PALM2AKAP2: variants seen among roughly 807,000 people sequenced by gnomAD.
The protein encoded by PALM2AKAP2 is PALM2 and AKAP2 fusion.
A neutral mutation model predicts 71.5 loss-of-function variants in PALM2AKAP2; 37 were observed. The ratio of observed to expected loss-of-function variants is 0.52; its 90% CI spans 0.40 to 0.68. The LOEUF (loss-of-function observed/expected upper bound fraction) is 0.68. Ranked by LOEUF, PALM2AKAP2 falls within the 30% of genes least tolerant of loss-of-function variation. The probability of loss-of-function intolerance (pLI) is 0.00; values close to 1 mark genes in which losing one functional copy is unlikely to be tolerated. For synonymous variants in PALM2AKAP2, 468 were observed against 478.8 expected, an observed-to-expected ratio of 0.98 and a Z score of 0.29; for missense variants, 1,224 against 1,191.8, an observed-to-expected ratio of 1.03 and a Z score of -0.40.
intron 1 of PALM2AKAP2, among the ~76,000 whole-genome samples, chr9:109,826,847 C>T (rs80011833): frequency 0.015 from 2,238 of 152,222 alleles, 61 homozygotes; most frequent in African/African-American, 0.051. Context: ...CTTTTGTAAA[C>T]GGACATAATT....
At chr9:109,654,489 T>G (rs1217703846) in intron 1 of PALM2AKAP2, among the ~76,000 whole-genome samples, 1 of 152,164 alleles carries the variant, frequency 6.6e-6, no homozygotes, top group African/African-American at 2.4e-5. Flanking sequence ...AGTTATGGAT[T>G]CTTGATTGCT....
At chr9:110,057,401 G>C (rs112324108) in intron 1 of PALM2AKAP2, among the ~76,000 whole-genome samples, 1 of 69,724 alleles carries the variant, frequency 1.4e-5, no homozygotes. Flanking sequence ...TTTTTTTTTT[G>C]CAACAGAGAC....
chr9:110,105,674 C>T (rs1215810419), intron 1 of PALM2AKAP2, among the ~76,000 whole-genome samples: 1 of 152,146 alleles, frequency 6.6e-6, no homozygotes, highest in Non-Finnish European at 1.5e-5. Context: ...AATGAGATGC[C>T]TAAGTACCAC....
chr9:109,700,435 G>A (rs552764116), intron 1 of PALM2AKAP2, among the ~76,000 whole-genome samples: 1 of 152,304 alleles, frequency 6.6e-6, no homozygotes, highest in African/African-American at 2.4e-5. Context: ...GGAACTGTGA[G>A]TCCGTTAAAC....
intron 1 of PALM2AKAP2, among the ~76,000 whole-genome samples, chr9:110,058,881 T>C (rs576171319): frequency 1.7e-4 from 25 of 150,914 alleles, no homozygotes; most frequent in Non-Finnish European, 2.4e-4. Flanking sequence ...TATTGTATAC[T>C]GATGGAAAGT....
chr9:109,903,359 T>C (rs370647021), intron 3 of PALM2AKAP2, among the ~76,000 whole-genome samples: 17 of 151,938 alleles, frequency 1.1e-4, no homozygotes, highest in African/African-American at 3.9e-4. Flanking sequence ...TCATAATTGA[T>C]CTTTGGGGAC....
Position 110,071,226 on chromosome 9 carries a change from C to T in PALM2AKAP2, c.156+22371C>T, listed in dbSNP as rs182595044. On this transcript the variant is annotated intron_variant, in intron 1 of 3. Coordinates refer to ENST00000374525, the Ensembl canonical transcript of PALM2AKAP2. ...TTGCCACTTTTATAGGTCAAATGGT[C>T]GAATATTAGAAATTTCATGTAGTTG... 3.2e-3 allele frequency among the ~76,000 whole-genome samples: 468 copies of T among 148,562 alleles called. 1 individual carries two copies. The highest frequency in any genetic ancestry group is 5.5e-3 in the Non-Finnish European group (373 of 67,538).
intron 1 of PALM2AKAP2, among the ~76,000 whole-genome samples, chr9:110,120,257 T>C (rs1213223990): frequency 6.6e-6 from 1 of 152,204 alleles, no homozygotes; most frequent in Non-Finnish European, 1.5e-5. Context: ...GATGGTGCCA[T>C]TGCTCCTGCA....
chr9:110,142,097 A>G (rs1476896153), intron 2 of PALM2AKAP2, among the ~76,000 whole-genome samples: 3 of 127,414 alleles, frequency 2.4e-5, no homozygotes, highest in East Asian at 2.2e-4. Context: ...TTTGAGGCAG[A>G]GTCTTGCTCT....
intron 1 of PALM2AKAP2, among the ~76,000 whole-genome samples, chr9:109,711,353 G>A (rs1362432419): frequency 6.6e-6 from 1 of 152,160 alleles, no homozygotes; most frequent in East Asian, 1.9e-4. Flanking sequence ...AGAAGATTTT[G>A]ATGGTTCATA....
At chr9:109,938,989 G>A (rs535856272) in intron 6 of PALM2AKAP2, among the ~76,000 whole-genome samples, 4 of 152,106 alleles carry the variant, frequency 2.6e-5, no homozygotes, top group Admixed American at 6.6e-5. Flanking sequence ...AAGTCGCACC[G>A]CTGCACTTCG....
chr9:109,672,163 G>C (rs1827583104), intron 1 of PALM2AKAP2, among the ~76,000 whole-genome samples: 1 of 152,140 alleles, frequency 6.6e-6, no homozygotes. Context: ...GTGAAAGAGG[G>C]CATCCTTGTC....
chr9:109,692,156 T>C (rs1445100779), intron 1 of PALM2AKAP2, among the ~76,000 whole-genome samples: 1 of 151,352 alleles, frequency 6.6e-6, no homozygotes, highest in Non-Finnish European at 1.5e-5. Context: ...CAATGGTTTT[T>C]ACTATATTCA....
At chr9:109,970,633 C>G (rs1257393851) in intron 6 of PALM2AKAP2, among the ~76,000 whole-genome samples, 1 of 152,240 alleles carries the variant, frequency 6.6e-6, no homozygotes, top group Admixed American at 6.5e-5. Flanking sequence ...CCTGGTGATA[C>G]ATTCAGCACT....
At chr9:109,950,234 AG>A (rs879909408) in intron 6 of PALM2AKAP2, among the ~76,000 whole-genome samples, 7 of 151,954 alleles carry the variant, frequency 4.6e-5, no homozygotes, top group Non-Finnish European at 1.0e-4. Flanking sequence ...TGGAGGCTGC[AG>A]GGGGCTGAGA....
chr9:109,693,749 T>C (rs192441870), intron 1 of PALM2AKAP2, among the ~76,000 whole-genome samples: 2 of 152,224 alleles, frequency 1.3e-5, no homozygotes, highest in East Asian at 3.9e-4. Flanking sequence ...TATTTGGGAC[T>C]TTTTCAGATA....
At chr9:110,051,110 T>C (rs996459418) in intron 1 of PALM2AKAP2, among the ~76,000 whole-genome samples, 2 of 152,210 alleles carry the variant, frequency 1.3e-5, no homozygotes, top group Non-Finnish European at 2.9e-5. Flanking sequence ...CTTTCTGGGA[T>C]GCTGAGATGC....
At chr9:109,777,559 G>A (rs765100832), upstream of PALM2AKAP2, among the ~76,000 whole-genome samples, 2 of 152,078 alleles carry the variant, frequency 1.3e-5, no homozygotes, top group African/African-American at 4.8e-5. Context: ...CTGATCTCTC[G>A]CTCATCCCCA....
At chr9:109,880,001 G>A (rs1829810447) in intron 2 of PALM2AKAP2, among the ~76,000 whole-genome samples, 1 of 152,106 alleles carries the variant, frequency 6.6e-6, no homozygotes, top group Non-Finnish European at 1.5e-5. Flanking sequence ...CCCATCTAGG[G>A]GCATATGATT....
Sources: allele counts gnomAD v4.1 joint callset (sites outside exome capture counted in the v4.1 genomes callset), GRCh38; gene constraint gnomAD v4.1.1; transcripts MANE v1.5; gene names NCBI Gene and HGNC (gene_info 2026-07-23, HGNC 2026-07-21).